Variants in RABGAP1 observed in about 807,000 individuals in gnomAD.
The protein encoded by RABGAP1 is rab GTPase-activating protein 1.
A neutral mutation model predicts 137.6 loss-of-function variants in RABGAP1; 23 were observed. That is an observed-to-expected ratio of 0.17 (90% CI 0.12 to 0.24). The LOEUF is 0.24. Ranked by LOEUF, RABGAP1 falls within the 10% of genes least tolerant of loss-of-function variation. The pLI is 1.00. For missense variants in RABGAP1, 906 were observed against 1,275.8 expected, an observed-to-expected ratio of 0.71 and a Z score of 4.42; for synonymous variants, 451 against 450.7, an observed-to-expected ratio of 1.00 and a Z score of -0.01.
In RABGAP1 at chr9:122,988,874, C is replaced by T. The variant is rs1422608985; in HGVS notation, c.591-423C>T. Among the ~76,000 whole-genome samples the T allele has an allele frequency of 2.7e-5, 4 of 146,144 alleles. No individual in the cohort carries two copies. In the East Asian group the frequency reaches 6.1e-4, roughly 22 times the overall value. ...AGGAGAATCACTTGAACCCAGGAGGCGGAGGTTGCGGTGAGCTGAGATTGC... is the reference window on the plus strand; with the variant it reads ...AGGAGAATCACTTGAACCCAGGAGGTGGAGGTTGCGGTGAGCTGAGATTGC... On this transcript the variant is annotated intron_variant, in intron 4 of 25. Transcript: ENST00000373647.
chr9:123,010,999 CTTTG>C (rs1021180435), intron 11 of RABGAP1, among the ~76,000 whole-genome samples: 3 of 148,620 alleles, frequency 2.0e-5, no homozygotes, highest in African/African-American at 7.4e-5. Context: ...TCCACTGGTT[CTTTG>C]TTTCTTTTTT....
At chr9:123,021,026 C>T (rs2031592838) in intron 13 of RABGAP1, 1 of 429,804 alleles carries the variant, frequency 2.3e-6, no homozygotes, top group African/African-American at 2.2e-5. Flanking sequence ...AAGTAATTTT[C>T]TGCAATGTTA....
At chr9:122,986,028 G>A (rs1005088548) in intron 3 of RABGAP1, among the ~76,000 whole-genome samples, 187 bp from the exon 4 acceptor site, 2 of 152,090 alleles carry the variant, frequency 1.3e-5, no homozygotes, top group South Asian at 2.1e-4. Context: ...AAAAATCTTG[G>A]TGTTTCTGAC....
At chr9:123,033,700 T>C (rs988994406) in intron 13 of RABGAP1, 1 of 152,194 alleles carries the variant, frequency 6.6e-6, no homozygotes, top group African/African-American at 2.4e-5. Context: ...CTGCTAAGGA[T>C]GTATTGTGGC....
intron 13 of RABGAP1, among the ~76,000 whole-genome samples, chr9:123,046,785 A>G (rs1330519803): frequency 6.6e-6 from 1 of 152,230 alleles, no homozygotes; most frequent in Non-Finnish European, 1.5e-5. Context: ...TCTGGAATAC[A>G]TGGCTAAGGG....
chr9:123,002,623 T>C (rs1791281833), intron 10 of RABGAP1, among the ~76,000 whole-genome samples: 1 of 151,790 alleles, frequency 6.6e-6, no homozygotes, highest in South Asian at 2.1e-4. Context: ...CAAATTTATT[T>C]AATTTTATTT....
At chr9:123,055,940 G>A (rs532073220) in intron 13 of RABGAP1, among the ~76,000 whole-genome samples, 1 of 152,212 alleles carries the variant, frequency 6.6e-6, no homozygotes, top group South Asian at 2.1e-4. Context: ...TGGCTCCCAC[G>A]TCCCTTTGGC....
intron 1 of RABGAP1, among the ~76,000 whole-genome samples, chr9:122,952,239 T>G (rs1447728838): frequency 6.6e-6 from 1 of 151,978 alleles, no homozygotes; most frequent in African/African-American, 2.4e-5. Flanking sequence ...GCTGAGAATT[T>G]TTTTTTAAAT....
chr9:123,097,899 T>G, intron 22 of RABGAP1, 54 bp downstream of exon 22: 1 of 1,483,132 alleles, frequency 6.7e-7, no homozygotes. Context: ...GAACTGGGAG[T>G]TCAGCTGGTG....
chr9:122,996,701 A>G, intron 8 of RABGAP1, 96 bp downstream of exon 8: 1 of 1,040,020 alleles, frequency 9.6e-7, no homozygotes, highest in Admixed American at 2.4e-5. Flanking sequence ...AACATGTTTA[A>G]GAAGGTGATC....
chr9:122,947,579 A>G (rs1017349883), intron 1 of RABGAP1, among the ~76,000 whole-genome samples: 5 of 152,200 alleles, frequency 3.3e-5, no homozygotes, highest in African/African-American at 1.2e-4. Context: ...TTTAATTCCG[A>G]TATCTTTTTT....
rs151145994 is a variant in RABGAP1, at chr9:123,019,954, G to A, written c.1644-355G>A. Among the ~76,000 whole-genome samples, 381 of 152,030 alleles carry A rather than the reference G, an allele frequency of 2.5e-3. 1 individual carries two copies. Among genetic ancestry groups the A allele is most frequent in the African/African-American group, 8.4e-3 (349 of 41,462 alleles). ...CCACCTCGGCCTCCCAAAGTGCTGG[G>A]ATTACAGGCGTGAGCCACCGCGCCC... On this transcript the variant is annotated intron_variant, in intron 12 of 25. Coordinates refer to ENST00000373647, the MANE Select transcript of RABGAP1 (RefSeq NM_012197.4).
At chr9:123,096,789 C>A (rs999935578) in intron 21 of RABGAP1, among the ~76,000 whole-genome samples, 29 of 152,370 alleles carry the variant, frequency 1.9e-4, no homozygotes, top group African/African-American at 6.0e-4. Flanking sequence ...CCAGGCTGTT[C>A]TCAAATTCCT....
At chr9:123,005,867 CAG>C (rs994682229) in intron 10 of RABGAP1, among the ~76,000 whole-genome samples, 5 of 152,176 alleles carry the variant, frequency 3.3e-5, no homozygotes, top group Admixed American at 6.6e-5. Flanking sequence ...TAACCATGGA[CAG>C]GGTATGAGAA....
At chr9:122,981,489 T>TAAG (rs1836053959) in intron 2 of RABGAP1, among the ~76,000 whole-genome samples, 1 of 152,208 alleles carries the variant, frequency 6.6e-6, no homozygotes, top group Non-Finnish European at 1.5e-5. Flanking sequence ...ATCATTAATC[T>TAAG]AAGATTGTTT....
intron 13 of RABGAP1, chr9:123,029,334 A>C (rs1245481634): frequency 4.1e-6 from 3 of 740,106 alleles, no homozygotes; most frequent in Non-Finnish European, 7.0e-6. Flanking sequence ...TTTTTTACTT[A>C]ATAAAGTTTT....
chr9:122,997,025 G>A (rs1430676948), intron 8 of RABGAP1: 5 of 592,322 alleles, frequency 8.4e-6, no homozygotes, highest in South Asian at 1.7e-5. Flanking sequence ...TTTAGGTTGT[G>A]GATTTTCTTA....
At chr9:123,014,842 C>T (rs1055595637) in intron 11 of RABGAP1, among the ~76,000 whole-genome samples, 1 of 152,022 alleles carries the variant, frequency 6.6e-6, no homozygotes. Context: ...CAAACATGTC[C>T]TTCTTCACAT....
At chr9:123,001,707 A>G (rs1837332284) in intron 10 of RABGAP1, among the ~76,000 whole-genome samples, 1 of 152,206 alleles carries the variant, frequency 6.6e-6, no homozygotes, top group Non-Finnish European at 1.5e-5. Context: ...TCTGAGTCTC[A>G]GTTTACTAAA....
Sources: gnomAD v4.1 joint callset for allele counts (sites outside exome capture counted in the v4.1 genomes callset) on GRCh38, gnomAD v4.1.1 for gene constraint, MANE v1.5 for transcripts, NCBI Gene and HGNC (gene_info 2026-07-23, HGNC 2026-07-21) for gene names.